DCC: variants seen among roughly 807,000 people sequenced by gnomAD.
DCC encodes the protein DCC netrin 1 receptor.
DCC carries 58 observed loss-of-function variants against 172.5 expected under a neutral mutation model. That is an observed-to-expected ratio of 0.34 (90% confidence interval 0.27 to 0.42). The LOEUF (loss-of-function observed/expected upper bound fraction) is 0.42, where lower values mean the gene tolerates loss of function less well. Ranked by LOEUF, DCC falls within the 10% of genes least tolerant of loss-of-function variation. The pLI is 1.00. For synonymous variants in DCC, 709 were observed against 644.5 expected (o/e 1.10, Z -1.52); for missense variants, 1,740 against 1,791.0 (o/e 0.97, Z 0.51).
At chr18:53,269,248 T>A (rs961637266) in intron 12 of DCC, among the ~76,000 whole-genome samples, 1 of 152,184 alleles carries the variant, frequency 6.6e-6, no homozygotes, top group Admixed American at 6.5e-5. Context: ...AAATGTGGTT[T>A]TAACAAAAAA....
At chr18:52,743,799 T>G (rs1041982087) in intron 1 of DCC, among the ~76,000 whole-genome samples, 4 of 152,226 alleles carry the variant, frequency 2.6e-5, no homozygotes, top group African/African-American at 9.6e-5. Flanking sequence ...ATCTTACCTT[T>G]ATATTTCCAA....
intron 13 of DCC, among the ~76,000 whole-genome samples, chr18:53,307,295 A>C (rs1323417573): frequency 6.6e-6 from 1 of 152,216 alleles, no homozygotes; most frequent in Non-Finnish European, 1.5e-5. Flanking sequence ...CCAATATCCT[A>C]TGTTTTTCTT....
chr18:52,996,719 C>T (rs939924483), intron 5 of DCC, among the ~76,000 whole-genome samples: 3 of 151,280 alleles, frequency 2.0e-5, no homozygotes, highest in Non-Finnish European at 2.9e-5. Context: ...TTCACCCCAC[C>T]TTGCCACACA....
At chr18:53,165,812 T>C (rs903008735) in intron 8 of DCC, among the ~76,000 whole-genome samples, 1 of 152,202 alleles carries the variant, frequency 6.6e-6, no homozygotes, top group African/African-American at 2.4e-5. Flanking sequence ...GGAGTTAATC[T>C]TGAAAGGTTC....
intron 2 of DCC, among the ~76,000 whole-genome samples, chr18:52,761,243 A>T (rs1486077744): frequency 1.3e-5 from 2 of 152,178 alleles, no homozygotes; most frequent in Non-Finnish European, 2.9e-5. Context: ...ACATCTTGTG[A>T]GAGTTATTCA....
intron 1 of DCC, among the ~76,000 whole-genome samples, chr18:52,569,194 G>A (rs1249183783): frequency 6.6e-6 from 1 of 152,202 alleles, no homozygotes; most frequent in Non-Finnish European, 1.5e-5. Context: ...CACTGGGCTG[G>A]ATAAAAGAGG....
intron 1 of DCC, among the ~76,000 whole-genome samples, chr18:52,443,432 A>T (rs907582331): frequency 1.2e-5 from 1 of 82,222 alleles, no homozygotes; most frequent in African/African-American, 5.3e-5. Context: ...GAGCTAAAAT[A>T]GAGGAGAAAT....
At chr18:52,822,427 T>C (rs558360437) in intron 2 of DCC, among the ~76,000 whole-genome samples, 45 of 152,348 alleles carry the variant, frequency 3.0e-4, no homozygotes, top group African/African-American at 1.1e-3. Flanking sequence ...GAAGTCTATT[T>C]ATAGCTCAGA....
chr18:53,192,840 C>T (rs890684559), intron 9 of DCC, among the ~76,000 whole-genome samples: 3 of 152,180 alleles, frequency 2.0e-5, no homozygotes, highest in South Asian at 2.1e-4. Flanking sequence ...TCCACCTACA[C>T]GCATGCCCAG....
chr18:52,737,110 ATGG>A lies in DCC; in HGVS notation c.92-14941_92-14939del, dbSNP rs575177011. On this transcript the variant is annotated intron_variant, in intron 1 of 28. Transcript: ENST00000442544. The stretch of plus-strand genomic sequence containing the variant: ...AATTTTAGGCTTTTACTATTCCTAA[ATGG>A]TGCTCAGGAGACCATGTCTTTGCTT... Among the ~76,000 whole-genome samples, 13 of 152,320 alleles carry A rather than the reference ATGG, an allele frequency of 8.5e-5. No homozygotes were observed. In the South Asian group the frequency reaches 2.7e-3, roughly 32 times the overall value.
At chr18:52,873,020 T>A (rs1008975222) in intron 2 of DCC, among the ~76,000 whole-genome samples, 2 of 152,252 alleles carry the variant, frequency 1.3e-5, no homozygotes, top group African/African-American at 4.8e-5. Flanking sequence ...TTAATCCTAC[T>A]GACAGTCTAT....
chr18:52,982,730 A>T (rs2041231586), intron 5 of DCC, among the ~76,000 whole-genome samples: 1 of 152,148 alleles, frequency 6.6e-6, no homozygotes, highest in Non-Finnish European at 1.5e-5. Context: ...CTAGGTTCTT[A>T]TAGATTATCC....
At chr18:53,081,484 G>A (rs940132664) in intron 7 of DCC, among the ~76,000 whole-genome samples, 1 of 151,610 alleles carries the variant, frequency 6.6e-6, no homozygotes, top group African/African-American at 2.4e-5. Flanking sequence ...TTGGGTATCA[G>A]TGATAATGTC....
chr18:53,147,841 C>T (rs2043938597), intron 7 of DCC, among the ~76,000 whole-genome samples: 1 of 152,102 alleles, frequency 6.6e-6, no homozygotes, highest in South Asian at 2.1e-4. Flanking sequence ...ATTGTAAGTC[C>T]TATAGGGAGA....
intron 1 of DCC, among the ~76,000 whole-genome samples, chr18:52,733,816 A>C (rs1456422140): frequency 2.0e-5 from 3 of 152,110 alleles, no homozygotes; most frequent in Non-Finnish European, 2.9e-5. Context: ...TTTTATCCAC[A>C]CCGAAAGAAG....
chr18:52,520,017 A>C (rs1225556433), intron 1 of DCC, among the ~76,000 whole-genome samples: 1 of 152,168 alleles, frequency 6.6e-6, no homozygotes, highest in Non-Finnish European at 1.5e-5. Context: ...TTCAAAGAGA[A>C]AACAGAAAGC....
intron 7 of DCC, among the ~76,000 whole-genome samples, chr18:53,121,284 C>T (rs961671302): frequency 3.3e-5 from 5 of 151,896 alleles, no homozygotes; most frequent in African/African-American, 1.2e-4. Flanking sequence ...ATTGTAACCA[C>T]TCTGAAATAC....
rs538228541 is a variant in DCC, at chr18:53,095,117, C to T, written c.1261+28951C>T. On this transcript the variant is annotated intron_variant, in intron 7 of 28. Coordinates refer to ENST00000442544, the MANE Select transcript of DCC (RefSeq NM_005215.4). ...TTTTAAAAATTTAGACATTTCCACT[C>T]ACATTTAGTACCTCTGATTAGAATG... 2.0e-5 allele frequency among the ~76,000 whole-genome samples: 3 copies of T among 152,314 alleles called. No individual in the cohort carries two copies. The East Asian group carries it at 5.8e-4, about 29-fold the overall frequency.
chr18:52,442,548 GA>G (rs1227370091), intron 1 of DCC, among the ~76,000 whole-genome samples: 1 of 152,140 alleles, frequency 6.6e-6, no homozygotes, highest in Non-Finnish European at 1.5e-5. Flanking sequence ...CATACAAAAT[GA>G]TCAAGGTGTA....
Sources: allele counts gnomAD v4.1 joint callset (sites outside exome capture counted in the v4.1 genomes callset), GRCh38; gene constraint gnomAD v4.1.1; transcripts MANE v1.5; gene names NCBI Gene and HGNC (gene_info 2026-07-23, HGNC 2026-07-21).